The following DLG2 variants were observed in gnomAD, a reference collection of about 807,000 sequenced individuals.
DLG2 encodes the protein disks large homolog 2.
DLG2 carries 45 observed loss-of-function variants against 132.5 expected under a neutral mutation model. The ratio of observed to expected loss-of-function variants is 0.34; its 90% CI spans 0.27 to 0.44. The LOEUF (loss-of-function observed/expected upper bound fraction) is 0.44, where lower values mean the gene tolerates loss of function less well. DLG2 is among the 20% of genes least tolerant of loss of function. The pLI is 1.00. For missense variants in DLG2, 1,045 were observed against 1,196.9 expected, an observed-to-expected ratio of 0.87 and a Z score of 1.87; for synonymous variants, 424 against 419.6, an observed-to-expected ratio of 1.01 and a Z score of -0.13.
chr11:84,585,401 G>A (rs1046138682), intron 6 of DLG2, among the ~76,000 whole-genome samples: 2 of 152,140 alleles, frequency 1.3e-5, no homozygotes, highest in Non-Finnish European at 2.9e-5. Context: ...AAACCACACT[G>A]TCATCAGAAT....
At chr11:84,554,069 C>A (rs2099407102) in intron 6 of DLG2, among the ~76,000 whole-genome samples, 1 of 152,172 alleles carries the variant, frequency 6.6e-6, no homozygotes, top group Non-Finnish European at 1.5e-5. Context: ...AATTCAAATT[C>A]TCTAAAACCC....
intron 6 of DLG2, among the ~76,000 whole-genome samples, chr11:84,794,227 G>A (rs1377164619): frequency 6.6e-6 from 1 of 152,222 alleles, no homozygotes; most frequent in Non-Finnish European, 1.5e-5. Context: ...GGTGAATATA[G>A]TCAAGAATAA....
chr11:84,114,676 C>A (rs2093544113), intron 9 of DLG2, among the ~76,000 whole-genome samples: 2 of 152,182 alleles, frequency 1.3e-5, no homozygotes, highest in South Asian at 4.2e-4. Context: ...CTGCCTCACG[C>A]CTAGTATGAC....
chr11:83,876,429 T>C (rs1006868342), intron 15 of DLG2, among the ~76,000 whole-genome samples: 23 of 152,150 alleles, frequency 1.5e-4, no homozygotes, highest in African/African-American at 4.6e-4. Context: ...AATTAAAATA[T>C]ATTTTCTATT....
chr11:83,790,611 T>A (rs1391175238), intron 17 of DLG2: 1 of 1,308,950 alleles, frequency 7.6e-7, no homozygotes, highest in South Asian at 1.2e-5. Flanking sequence ...GAAGTTCCTT[T>A]GGATTTGATT....
chr11:84,418,260 G>GAATAC lies in DLG2; in HGVS notation c.519+116305_519+116309dup, dbSNP rs2154463019. ...CACATAGTAAGACTTACAAGATCCA[G>GAATAC]AATACAACGTTATTTTCTAGTTTAG... On this transcript the variant is annotated intron_variant, in intron 7 of 27. Transcript: ENST00000376104. Among the ~76,000 whole-genome samples, 3 of 152,264 alleles carry GAATAC rather than the reference G, an allele frequency of 2.0e-5. No individual in the cohort carries two copies. The South Asian group carries it at 6.2e-4, about 32-fold the overall frequency.
At chr11:84,059,918 T>A (rs2096564148) in intron 10 of DLG2, among the ~76,000 whole-genome samples, 1 of 152,228 alleles carries the variant, frequency 6.6e-6, no homozygotes, top group Non-Finnish European at 1.5e-5. Context: ...TTTTCTCAAA[T>A]TTTTAATTTA....
At chr11:84,668,625 C>CACAA (rs993216927) in intron 6 of DLG2, among the ~76,000 whole-genome samples, 16 of 152,196 alleles carry the variant, frequency 1.1e-4, no homozygotes, top group Admixed American at 3.3e-4. Context: ...TAAGAAAAAA[C>CACAA]ACAAACACTT....
At chr11:85,088,319 G>T (rs1346494327) in intron 6 of DLG2, among the ~76,000 whole-genome samples, 2 of 152,196 alleles carry the variant, frequency 1.3e-5, no homozygotes, top group African/African-American at 4.8e-5. Flanking sequence ...ATATATTTCT[G>T]TTGTGTGAGC....
chr11:83,517,642 C>T (rs929776002), intron 21 of DLG2, among the ~76,000 whole-genome samples: 1 of 152,148 alleles, frequency 6.6e-6, no homozygotes, highest in Admixed American at 6.6e-5. Flanking sequence ...TTTTCCCCAT[C>T]TTTGTGGTTT....
chr11:85,108,073 G>A (rs2072105151), intron 6 of DLG2, among the ~76,000 whole-genome samples: 1 of 151,032 alleles, frequency 6.6e-6, no homozygotes, highest in Non-Finnish European at 1.5e-5. Flanking sequence ...CCATTTTCAA[G>A]GCAATATGTA....
At chr11:83,623,907 C>A (rs2062055181) in intron 19 of DLG2, among the ~76,000 whole-genome samples, 1 of 151,714 alleles carries the variant, frequency 6.6e-6, no homozygotes, top group African/African-American at 2.4e-5. Context: ...TTACTTTTTA[C>A]TATTCTGTTC....
At chr11:83,913,770 A>G (rs748740107) in intron 15 of DLG2, among the ~76,000 whole-genome samples, 4 of 152,132 alleles carry the variant, frequency 2.6e-5, no homozygotes, top group Non-Finnish European at 5.9e-5. Flanking sequence ...CCTCAAAGAA[A>G]GGGAGACTTT....
intron 3 of DLG2, among the ~76,000 whole-genome samples, chr11:85,353,318 C>T (rs1253678493): frequency 2.6e-5 from 4 of 152,090 alleles, no homozygotes; most frequent in Non-Finnish European, 5.9e-5. Context: ...GAATGGTGAT[C>T]ATTAAAAAGT....
At chr11:84,267,675 CCT>C (rs1167643302) in intron 7 of DLG2, among the ~76,000 whole-genome samples, 16 of 152,280 alleles carry the variant, frequency 1.1e-4, no homozygotes, top group African/African-American at 3.9e-4. Context: ...CACAGTCCAG[CCT>C]CTCTTAGTTC....
At chr11:85,427,809 C>T (rs1318261894) in intron 3 of DLG2, among the ~76,000 whole-genome samples, 1 of 152,118 alleles carries the variant, frequency 6.6e-6, no homozygotes, top group Non-Finnish European at 1.5e-5. Context: ...ACTAAATGCT[C>T]CAATTAAAAG....
intron 6 of DLG2, among the ~76,000 whole-genome samples, chr11:85,098,853 G>A (rs1312449334): frequency 6.6e-6 from 1 of 152,134 alleles, no homozygotes; most frequent in Non-Finnish European, 1.5e-5. Flanking sequence ...ATATGGACCA[G>A]CCAATGAAAT....
intron 9 of DLG2, among the ~76,000 whole-genome samples, chr11:84,102,943 C>A (rs1271987416): frequency 6.6e-6 from 1 of 152,012 alleles, no homozygotes; most frequent in East Asian, 1.9e-4. Context: ...TTCCCCTGTC[C>A]CCAGACCCAC....
intron 6 of DLG2, among the ~76,000 whole-genome samples, chr11:84,656,876 C>T (rs75586712): frequency 0.013 from 1,906 of 152,218 alleles, 19 homozygotes; most frequent in South Asian, 0.049. Flanking sequence ...TCTCTACCCC[C>T]CAACAAGTTT....
Sources: allele counts gnomAD v4.1 joint callset (sites outside exome capture counted in the v4.1 genomes callset), GRCh38; gene constraint gnomAD v4.1.1; transcripts MANE v1.5; gene names NCBI Gene and HGNC (gene_info 2026-07-23, HGNC 2026-07-21).